PPP1R12A: variants seen among roughly 807,000 people sequenced by gnomAD.
PPP1R12A encodes myosin binding subunit.
PPP1R12A carries 19 observed loss-of-function variants against 139.6 expected under a neutral mutation model. The observed-to-expected ratio is 0.14, with a 90% CI of 0.09 to 0.20. The LOEUF (loss-of-function observed/expected upper bound fraction) is 0.20. PPP1R12A is among the 10% of genes least tolerant of loss of function. The probability of loss-of-function intolerance (pLI) is 1.00; values close to 1 mark genes in which losing one functional copy is unlikely to be tolerated. For missense variants in PPP1R12A, 925 were observed against 1,211.5 expected, an observed-to-expected ratio of 0.76 and a Z score of 3.51; for synonymous variants, 427 against 420.6, an observed-to-expected ratio of 1.02 and a Z score of -0.19.
chr12:79,864,189 T>A (rs955413146), intron 2 of PPP1R12A, among the ~76,000 whole-genome samples: 1 of 152,092 alleles, frequency 6.6e-6, no homozygotes. Context: ...AGAAACTCAC[T>A]CAAAACCACA....
chr12:79,803,064 A>T (rs980502695), intron 14 of PPP1R12A, among the ~76,000 whole-genome samples: 2 of 152,216 alleles, frequency 1.3e-5, no homozygotes, highest in African/African-American at 4.8e-5. Flanking sequence ...CTGGTTTCAC[A>T]TATGAAGGTT....
At chr12:79,863,518 C>T (rs2400595) in intron 2 of PPP1R12A, among the ~76,000 whole-genome samples, 119,319 of 151,812 alleles carry the variant, frequency 0.79, 49,384 homozygotes, top group Non-Finnish European at 0.92. Flanking sequence ...AGGACACAGA[C>T]TGGCAAATTG....
rs527814414 is a variant in PPP1R12A at position 79,886,201 on chromosome 12, G to A, written c.238-13263C>T. The stretch of plus-strand genomic sequence containing the variant: ...AACTGAAGTGGGACATTTCAAAGGA[G>A]GAATTATGGGTGTGGTTTACACAAG... On this transcript the variant is annotated intron_variant, in intron 1 of 24. Coordinates refer to ENST00000450142, the MANE Select transcript of PPP1R12A (RefSeq NM_002480.3). Among the ~76,000 whole-genome samples the A allele has an allele frequency of 1.5e-4, 23 of 152,184 alleles. No homozygotes were observed. In the South Asian group the frequency reaches 4.6e-3, roughly 30 times the overall value.
At chr12:79,892,304 A>G (rs1884726655) in intron 1 of PPP1R12A, among the ~76,000 whole-genome samples, 1 of 152,200 alleles carries the variant, frequency 6.6e-6, no homozygotes, top group Admixed American at 6.5e-5. Flanking sequence ...TTTCTTAAAC[A>G]TGCCCAATCC....
chr12:79,829,864 G>A (rs1207777405), intron 4 of PPP1R12A, among the ~76,000 whole-genome samples: 1 of 152,094 alleles, frequency 6.6e-6, no homozygotes, highest in East Asian at 1.9e-4. Flanking sequence ...AAAAAAGACA[G>A]TATCTATATT....
intron 6 of PPP1R12A, among the ~76,000 whole-genome samples, chr12:79,821,753 A>G (rs1057470920): frequency 6.7e-5 from 10 of 148,890 alleles, no homozygotes; most frequent in African/African-American, 9.8e-5. Flanking sequence ...CCCATCTCCA[A>G]AAAAAAAAAA....
intron 2 of PPP1R12A, among the ~76,000 whole-genome samples, chr12:79,853,375 T>C (rs1183695746): frequency 1.3e-5 from 2 of 152,224 alleles, no homozygotes; most frequent in African/African-American, 2.4e-5. Context: ...TGTCATTATT[T>C]GGGTCCTGAG....
At chr12:79,825,963 A>G (rs1173218068) in intron 5 of PPP1R12A, among the ~76,000 whole-genome samples, 2 of 152,094 alleles carry the variant, frequency 1.3e-5, no homozygotes, top group Admixed American at 1.3e-4. Context: ...GTATTTGGAT[A>G]TATTTATGGC....
At chr12:79,910,025 AG>A (rs1886438969) in intron 1 of PPP1R12A, among the ~76,000 whole-genome samples, 1 of 152,102 alleles carries the variant, frequency 6.6e-6, no homozygotes, top group African/African-American at 2.4e-5. Context: ...ATAATAAAAA[AG>A]GGGAGGAATC....
At chr12:79,873,033 TAATATA>T in intron 1 of PPP1R12A, 95 bp from the exon 2 acceptor site, 1 of 1,243,042 alleles carries the variant, frequency 8.0e-7, no homozygotes, top group Non-Finnish European at 1.1e-6. Flanking sequence ...GTAGCTTTTA[TAATATA>T]AATATTCTCT....
At chr12:79,841,565 C>T (rs535788898) in intron 3 of PPP1R12A, among the ~76,000 whole-genome samples, 30 of 152,286 alleles carry the variant, frequency 2.0e-4, no homozygotes, top group East Asian at 5.8e-4. Context: ...CTTACAGTTA[C>T]GCTAGCAATT....
intron 1 of PPP1R12A, among the ~76,000 whole-genome samples, chr12:79,885,997 A>G (rs984571701): frequency 2.2e-4 from 33 of 152,212 alleles, no homozygotes; most frequent in African/African-American, 7.5e-4. Context: ...CATTCAGCCA[A>G]ACAGAAACAA....
intron 2 of PPP1R12A, among the ~76,000 whole-genome samples, chr12:79,848,066 T>C (rs1879615741): frequency 1.3e-5 from 2 of 152,202 alleles, no homozygotes; most frequent in African/African-American, 4.8e-5. Context: ...TGGACATGTG[T>C]ATCTGATCAC....
intron 13 of PPP1R12A, 115 bp from the exon 14 acceptor site, chr12:79,805,883 AAGGTGAGAC>A: frequency 8.8e-7 from 1 of 1,137,438 alleles, no homozygotes; most frequent in South Asian, 1.7e-5. Flanking sequence ...TTTAAAACGC[AAGGTGAGAC>A]ATCCTTAAAT....
intron 1 of PPP1R12A, among the ~76,000 whole-genome samples, chr12:79,925,007 C>A (rs1220690398): frequency 6.6e-6 from 1 of 152,050 alleles, no homozygotes; most frequent in African/African-American, 2.4e-5. Flanking sequence ...CCTTTATTCA[C>A]CAGATGCATC....
chr12:79,842,891 T>C (rs11114257), intron 3 of PPP1R12A, among the ~76,000 whole-genome samples: 6,110 of 151,236 alleles, frequency 0.04, 430 homozygotes, highest in East Asian at 0.29. Flanking sequence ...TTGTGTAACA[T>C]ATCTACACAG....
At chr12:79,882,923 G>A (rs1319660762) in intron 1 of PPP1R12A, among the ~76,000 whole-genome samples, 1 of 152,120 alleles carries the variant, frequency 6.6e-6, no homozygotes, top group East Asian at 1.9e-4. Context: ...AGGATCATGA[G>A]GTCAGGAGTA....
intron 24 of PPP1R12A, among the ~76,000 whole-genome samples, chr12:79,776,592 T>A (rs1869755137): frequency 6.6e-6 from 1 of 152,174 alleles, no homozygotes. Flanking sequence ...ATTACTATTA[T>A]TAGAATAGTG....
At chr12:79,892,949 C>T (rs566912655) in intron 1 of PPP1R12A, among the ~76,000 whole-genome samples, 1 of 151,894 alleles carries the variant, frequency 6.6e-6, no homozygotes, top group Non-Finnish European at 1.5e-5. Context: ...ACTAAAAATA[C>T]AAAAATTAGC....
Sources: allele counts gnomAD v4.1 joint callset (sites outside exome capture counted in the v4.1 genomes callset), GRCh38; gene constraint gnomAD v4.1.1; transcripts MANE v1.5; gene names NCBI Gene and HGNC (gene_info 2026-07-23, HGNC 2026-07-21).